The following RPAP2 variants were observed in gnomAD, a reference collection of about 807,000 sequenced individuals.
The protein encoded by RPAP2 is RNA polymerase II associated protein 2, also known as putative RNA polymerase II subunit B1 CTD phosphatase RPAP2.
Under a neutral mutation model 73.1 loss-of-function variants are expected in RPAP2, and 52 were observed. That is an observed-to-expected ratio of 0.71 (90% CI 0.57 to 0.90). RPAP2 has a LOEUF of 0.90. Ranked by LOEUF, RPAP2 falls within the 40% of genes least tolerant of loss-of-function variation. The pLI, the probability that RPAP2 is intolerant of heterozygous loss-of-function variation, is 0.00. For missense variants in RPAP2, 598 were observed against 701.8 expected (o/e 0.85, Z 1.67); for synonymous variants, 225 against 242.1 (o/e 0.93, Z 0.65).
chr1:92,365,811 C>T (rs1654912082), intron 11 of RPAP2, among the ~76,000 whole-genome samples: 1 of 152,150 alleles, frequency 6.6e-6, no homozygotes, highest in Non-Finnish European at 1.5e-5. Context: ...TAAAATGAAT[C>T]AGACATGTGA....
In RPAP2 at chr1:92,323,548, A is replaced by G. The variant is rs908324850; in HGVS notation, c.628A>G (p.Ser210Gly). Residue 210 changes from serine to glycine, a missense_variant, in exon 8 of 13, where the codon AGC becomes GGC. Coordinates refer to ENST00000610020, the MANE Select transcript of RPAP2 (RefSeq NM_024813.3). ...FEKQYESSSS[S>G]THSDSSSDNE... ...AAAGCAATATGAATCTAGTTCTTCT[A>G]GCACTCACAGTGATAGTAGCAGTGA... 29 of 1,613,644 alleles carry G rather than the reference A, an allele frequency of 1.8e-5. No homozygotes were observed. The Admixed American group carries it at 2.0e-4, about 11-fold the overall frequency.
chr1:92,394,730 G>C lies in RPAP2; in HGVS notation c.*7719G>C, dbSNP rs558925680. ...AGACACAATCCATGTTCATGAATTG[G>C]AAGATCAAATGTTGTTAAGATAGCA... On this transcript the variant is annotated 3_prime_UTR_variant, in exon 13 of 13. Transcript: ENST00000610020. 2 of 152,262 alleles carry C rather than the reference G, an allele frequency of 1.3e-5. No individual in the cohort carries two copies. Among genetic ancestry groups the C allele is most frequent in the South Asian group, 4.2e-4 (2 of 4,814 alleles). The allele number at this position is 152,262 out of a possible 1,614,324, so 9.4% of individuals were successfully genotyped here.
intron 6 of RPAP2, among the ~76,000 whole-genome samples, chr1:92,319,678 T>A (rs566401308): frequency 6.6e-6 from 1 of 152,286 alleles, no homozygotes; most frequent in South Asian, 2.1e-4. Flanking sequence ...TATAGTCTAG[T>A]TAAGAAACCA....
chr1:92,303,910 C>T, intron 3 of RPAP2, 67 bp from the exon 4 acceptor site: 1 of 1,049,196 alleles, frequency 9.5e-7, no homozygotes. Flanking sequence ...ATTGATGAGG[C>T]TTAGAGAGCT....
intron 11 of RPAP2, among the ~76,000 whole-genome samples, chr1:92,364,405 A>C (rs1460864818): frequency 6.6e-6 from 1 of 152,196 alleles, no homozygotes; most frequent in Admixed American, 6.5e-5. Context: ...TTACCTAGAA[A>C]GAAAATTGGT....
chr1:92,316,108 A>C (rs1022412280), intron 6 of RPAP2, among the ~76,000 whole-genome samples: 1 of 152,214 alleles, frequency 6.6e-6, no homozygotes, highest in Non-Finnish European at 1.5e-5. Flanking sequence ...AAAATCTTAA[A>C]TCTAAGAAGG....
intron 11 of RPAP2, among the ~76,000 whole-genome samples, chr1:92,356,319 T>C (rs1210622612): frequency 6.6e-6 from 1 of 152,112 alleles, no homozygotes; most frequent in Non-Finnish European, 1.5e-5. Flanking sequence ...CAACAATGAA[T>C]AGAAAAGTCT....
intron 8 of RPAP2, among the ~76,000 whole-genome samples, chr1:92,326,005 A>C (rs1315379693): frequency 2.6e-4 from 39 of 151,912 alleles, no homozygotes; most frequent in Admixed American, 2.6e-3. Flanking sequence ...TCTCGTATTT[A>C]TCTCTCTGCT....
At chr1:92,329,747 T>C (rs1004876681) in intron 8 of RPAP2, among the ~76,000 whole-genome samples, 17 of 152,152 alleles carry the variant, frequency 1.1e-4, no homozygotes, top group Admixed American at 6.5e-5. Context: ...AAACTCAACT[T>C]GATTGAGCTA....
chr1:92,380,501 T>C (rs1037419239), intron 11 of RPAP2, among the ~76,000 whole-genome samples: 26 of 152,368 alleles, frequency 1.7e-4, no homozygotes, highest in African/African-American at 7.2e-5. Flanking sequence ...AAACATATTA[T>C]AGATTTAGGC....
At chr1:92,361,790 G>GTTTC (rs1424793315) in intron 11 of RPAP2, among the ~76,000 whole-genome samples, 4 of 152,194 alleles carry the variant, frequency 2.6e-5, no homozygotes, top group African/African-American at 9.6e-5. Flanking sequence ...TTTTTAAAAT[G>GTTTC]TTTCTTTGAT....
At chr1:92,310,594 T>A (rs987177200) in intron 6 of RPAP2, among the ~76,000 whole-genome samples, 4 of 152,116 alleles carry the variant, frequency 2.6e-5, no homozygotes, top group Non-Finnish European at 5.9e-5. Flanking sequence ...ATCATAATTT[T>A]AAAATAATAA....
chr1:92,333,902 C>T (rs917343621), intron 9 of RPAP2, among the ~76,000 whole-genome samples: 17 of 152,216 alleles, frequency 1.1e-4, no homozygotes, highest in Admixed American at 1.0e-3. Flanking sequence ...CCATTTCACA[C>T]TCAGCAACAT....
chr1:92,342,288 C>A (rs192840030), intron 10 of RPAP2, among the ~76,000 whole-genome samples: 27 of 152,256 alleles, frequency 1.8e-4, no homozygotes, highest in African/African-American at 6.3e-4. Flanking sequence ...CTACAGCAGA[C>A]AAGGAATTAG....
chr1:92,381,497 C>T lies in RPAP2; in HGVS notation c.1838+624C>T, dbSNP rs117675606. Among the ~76,000 whole-genome samples, 30 of 151,980 alleles carry T rather than the reference C, an allele frequency of 2.0e-4. No individual in the cohort carries two copies. In the East Asian group the frequency reaches 5.6e-3, roughly 28 times the overall value. ...TCCTTCCTTCTCATTTCACACAATC[C>T]CAAAGTGCATGCTCAGATAGGTACT... On this transcript the variant is annotated intron_variant, in intron 12 of 12. Coordinates refer to ENST00000610020, the MANE Select transcript of RPAP2 (RefSeq NM_024813.3).
In RPAP2 at chr1:92,397,511, G is replaced by C. The variant is rs1209869588; in HGVS notation, c.*10500G>C. On this transcript the variant is annotated 3_prime_UTR_variant, in exon 13 of 13. Coordinates refer to ENST00000610020, the MANE Select transcript of RPAP2 (RefSeq NM_024813.3). ...CAAGTCTAGAGACCTCAGGTGAGGA[G>C]CCAGTAGCTCAGTATAGAAACTAAG... 6.6e-6 allele frequency: 1 copy of C among 152,152 alleles called. No homozygotes were observed. The highest frequency in any genetic ancestry group is 1.9e-4 in the East Asian group (1 of 5,196). The allele number at this position is 152,152 out of a possible 1,614,324, so 9.4% of individuals were successfully genotyped here.
rs1655594346 is a variant in RPAP2, at chr1:92,380,790, C to T, written c.1755C>T (p.Asp585=). Residue 585 remains aspartate (D), a synonymous_variant, in exon 12 of 13, where the codon GAC becomes GAT. Coordinates refer to ENST00000610020, the MANE Select transcript of RPAP2 (RefSeq NM_024813.3). ...GTATGGTGTTTACACGGTTTCTAGA[C>T]ACCCTCCTTGAAGAATTACATCTAA... ...QEGMVFTRFL[D]TLLEELHLKN... 6.2e-7 allele frequency: 1 copy of T among 1,607,894 alleles called. No homozygotes were observed. Among genetic ancestry groups the T allele is most frequent in the Non-Finnish European group, 8.5e-7 (1 of 1,177,522 alleles).
At chr1:92,369,535 C>A (rs1035585898) in intron 11 of RPAP2, among the ~76,000 whole-genome samples, 1 of 152,076 alleles carries the variant, frequency 6.6e-6, no homozygotes, top group Non-Finnish European at 1.5e-5. Flanking sequence ...AAGTTCCAGG[C>A]CTCAAACAGT....
intron 11 of RPAP2, among the ~76,000 whole-genome samples, chr1:92,348,743 A>C (rs1654044055): frequency 6.6e-6 from 1 of 152,224 alleles, no homozygotes; most frequent in African/African-American, 2.4e-5. Flanking sequence ...TTAGGGATAA[A>C]ATTAAAATAC....
Sources: allele counts gnomAD v4.1 joint callset (sites outside exome capture counted in the v4.1 genomes callset), GRCh38; gene constraint gnomAD v4.1.1; transcripts MANE v1.5; gene names NCBI Gene and HGNC (gene_info 2026-07-23, HGNC 2026-07-21).